The following PADI4 variants were observed in gnomAD, a reference collection of about 807,000 sequenced individuals.
PADI4 encodes the protein peptidyl arginine deiminase 4.
A neutral mutation model predicts 75.0 loss-of-function variants in PADI4; 62 were observed. That is an observed-to-expected ratio of 0.83 (90% CI 0.67 to 1.02). The LOEUF (loss-of-function observed/expected upper bound fraction) is 1.02. Ranked by LOEUF, PADI4 falls within the 50% of genes least tolerant of loss-of-function variation. The pLI is 0.00. For missense variants in PADI4, 845 were observed against 850.5 expected, an observed-to-expected ratio of 0.99 and a Z score of 0.08; for synonymous variants, 361 against 348.1, an observed-to-expected ratio of 1.04 and a Z score of -0.41.
Position 17,325,706 on chromosome 1 carries a change from C to T in PADI4, c.93-5263C>T, listed in dbSNP as rs932580072. Among the ~76,000 whole-genome samples the T allele has an allele frequency of 6.3e-5, 7 of 110,358 alleles. No individual in the cohort carries two copies. In the East Asian group the frequency reaches 1.1e-3, roughly 17 times the overall value. 72.4% of individuals were successfully genotyped at this position (110,358 alleles called of 152,430 possible). ...AAGATGTGACTTTTTGATCCTACCACGTTCCTGATTTTTTTTTTTTTAAAC... is the reference window on the plus strand; with the variant it reads ...AAGATGTGACTTTTTGATCCTACCATGTTCCTGATTTTTTTTTTTTTAAAC... On this transcript the variant is annotated intron_variant, in intron 1 of 15. Coordinates refer to ENST00000375448, the MANE Select transcript of PADI4 (RefSeq NM_012387.3).
At position 17,339,481 on chromosome 1, in the gene PADI4, C is replaced by A. The variant is rs183626668; in HGVS notation, c.527-207C>A. ...CCAGCTCATCCTAGTGGGAGGAGAC[C>A]AAAACCTTAATGAGCTCTCATTCCA... On this transcript the variant is annotated intron_variant, in intron 5 of 15. Transcript: ENST00000375448. 3.6e-3 allele frequency among the ~76,000 whole-genome samples: 544 copies of A among 152,256 alleles called. 2 individuals are homozygous for A. The highest frequency in any genetic ancestry group is 0.012 in the African/African-American group (514 of 41,534).
intron 10 of PADI4, among the ~76,000 whole-genome samples, chr1:17,349,174 C>G (rs551035104): frequency 6.6e-6 from 1 of 152,346 alleles, no homozygotes; most frequent in South Asian, 2.1e-4. Context: ...AACCAGCCAG[C>G]TGCTACCGTG....
chr1:17,349,713 A>AG (rs2074586366), intron 10 of PADI4, among the ~76,000 whole-genome samples: 1 of 100,956 alleles, frequency 9.9e-6, no homozygotes, highest in African/African-American at 3.0e-5. Flanking sequence ...AAAAAAAAAA[A>AG]AAAAGAAAGA....
Position 17,363,560 on chromosome 1 carries a change from C to G in PADI4, c.1797C>G (p.Pro599=). The G allele has an allele frequency of 6.2e-7, 1 of 1,613,922 alleles. No homozygotes were observed. The part of the protein sequence containing the change: ...MLVLGKHLGI[P]KPFGPVINGR... ...TGCTAGGGAAGCACCTGGGCATCCC[C>G]AAGCCCTTCGGGCCCGTCATCAACG... Residue 599 remains proline, a synonymous_variant, in exon 16 of 16, where the codon CCC becomes CCG. Transcript: ENST00000375448.
At chr1:17,324,028 G>A (rs924440277) in intron 1 of PADI4, among the ~76,000 whole-genome samples, 8 of 152,154 alleles carry the variant, frequency 5.3e-5, no homozygotes, top group African/African-American at 1.7e-4. Context: ...ATTACAGAAA[G>A]GGCTGCTCTG....
At chr1:17,336,590 G>C (rs1384991918) in intron 4 of PADI4, among the ~76,000 whole-genome samples, 5 of 152,162 alleles carry the variant, frequency 3.3e-5, no homozygotes, top group Admixed American at 3.3e-4. Flanking sequence ...GTCTACATGG[G>C]GGAATAACAG....
chr1:17,338,059 T>G lies in PADI4; in HGVS notation c.430T>G (p.Cys144Gly). 1 of 1,613,354 alleles carries G rather than the reference T, an allele frequency of 6.2e-7. No homozygotes were observed. The highest frequency in any genetic ancestry group is 2.2e-5 in the East Asian group (1 of 44,868). ...CCAGAGGACCTGGACCTGGGGCCCT[T>G]GTGGACAGGGTGCCATCCTGCTGGT... ...KDQRTWTWGP[C>G]GQGAILLVNC... The change falls in exon 5 of 16, where the codon TGT (cysteine) becomes GGT (glycine). Residue 144 changes from cysteine to glycine, a missense_variant. Cys to Gly is a radical substitution (Grantham distance 159, BLOSUM62 -3). Coordinates refer to ENST00000375448, the MANE Select transcript of PADI4 (RefSeq NM_012387.3).
rs2074549302 is a variant in PADI4, at chr1:17,347,999, A to G, written c.1106A>G (p.Asp369Gly). ...APHKTLPVVF[D>G]SPRNRGLKEF... is the part of the protein sequence containing the mutation. ...CACAAAACGCTGCCCGTGGTCTTCG[A>G]CTCTCCAAGGAACAGAGGCCTGAAG... Residue 369 changes from aspartate to glycine, a missense_variant, in exon 10 of 16, where the codon GAC becomes GGC. Transcript: ENST00000375448. The G allele has an allele frequency of 6.2e-7, 1 of 1,607,704 alleles. No homozygotes were observed. The highest frequency in any genetic ancestry group is 8.5e-7 in the Non-Finnish European group (1 of 1,176,230).
chr1:17,313,677 CTG>C (rs1380331233), intron 1 of PADI4, among the ~76,000 whole-genome samples: 1 of 151,994 alleles, frequency 6.6e-6, no homozygotes, highest in East Asian at 1.9e-4. Flanking sequence ...GCATGAGCCT[CTG>C]TGTGTGAGAG....
At chr1:17,359,464 G>T (rs1487677974) in intron 15 of PADI4, 56 bp downstream of exon 15, 3 of 1,609,854 alleles carry the variant, frequency 1.9e-6, no homozygotes, top group Admixed American at 3.3e-5. Flanking sequence ...AGCTCAGCCC[G>T]AGAGGCCAGT....
At chr1:17,354,772 C>G in intron 11 of PADI4, 85 bp downstream of exon 11, 1 of 1,302,922 alleles carries the variant, frequency 7.7e-7, no homozygotes, top group Non-Finnish European at 1.0e-6. Context: ...CCTTGCCTTC[C>G]TGCTTCCGAT....
Position 17,348,046 on chromosome 1 carries a change from A to T in PADI4, c.1153A>T (p.Met385Leu), listed in dbSNP as rs763816636. The T allele has an allele frequency of 1.3e-6, 2 of 1,582,632 alleles. No individual in the cohort carries two copies. Among genetic ancestry groups the T allele is most frequent in the African/African-American group, 1.3e-5 (1 of 74,216 alleles). The part of the protein sequence containing the change: ...GLKEFPIKRV[M>L]GPDFGYVTRG... Reference sequence around the variant, plus strand: ...GAAGGAGTTTCCCATCAAACGCGTGATGGTACCTGCATGGGGTGGGGAGGG... The same window carrying T: ...GAAGGAGTTTCCCATCAAACGCGTGTTGGTACCTGCATGGGGTGGGGAGGG... The change falls in exon 10 of 16, where the codon ATG becomes TTG. Residue 385 changes from methionine (M) to leucine (L), a missense_variant and splice_region_variant. Met to Leu is a conservative substitution (Grantham distance 15). Transcript: ENST00000375448.
rs774505663 is a variant in PADI4, at chr1:17,346,114, A to G, written c.1022A>G (p.Glu341Gly). The G allele has an allele frequency of 1.9e-6, 3 of 1,612,990 alleles. No individual in the cohort carries two copies. The highest frequency in any genetic ancestry group is 2.5e-6 in the Non-Finnish European group (3 of 1,178,962). ...KCKLTICPEEENMDDQWMQDE... is the reference protein window; with the variant it reads ...KCKLTICPEEGNMDDQWMQDE... ...AAGCTGACCATCTGCCCTGAGGAGGAGAACATGGATGACCAGTGGATGCAG... is the reference window on the plus strand; with the variant it reads ...AAGCTGACCATCTGCCCTGAGGAGGGGAACATGGATGACCAGTGGATGCAG... The change falls in exon 9 of 16, where the codon GAG (glutamate) becomes GGG (glycine). Residue 341 changes from glutamate (E) to glycine (G), a missense_variant. By Grantham distance (98) the Glu-to-Gly change is moderately conservative. Transcript: ENST00000375448. This position sits in a 1 kb window ranked among gnomAD's most constrained non-coding sequence, Gnocchi z 4.3.
rs1635567 is a variant in PADI4 at position 17,356,546 on chromosome 1, T to C, written c.1558+87T>C. On this transcript the variant is annotated intron_variant, in intron 13 of 15. Transcript: ENST00000375448. The surrounding 1 kb of genome is among the most constrained non-coding windows in gnomAD (Gnocchi z 4.1). Reference sequence around the variant, plus strand: ...TGCCTGGAGGGAATCATCCAGGCAATAGGGTAGCATCTGAGCACCTACTGT... The same window carrying C: ...TGCCTGGAGGGAATCATCCAGGCAACAGGGTAGCATCTGAGCACCTACTGT... The C allele has an allele frequency of 0.72, 551,959 of 766,458 alleles. 200,187 individuals are homozygous for C. Among genetic ancestry groups the C allele is most frequent in the African/African-American group, 0.81 (46,800 of 57,738 alleles). The allele number at this position is 766,458 out of a possible 1,614,324, so 47.5% of individuals were successfully genotyped here.
chr1:17,327,324 A>G (rs1023879997), intron 1 of PADI4, among the ~76,000 whole-genome samples: 2 of 152,132 alleles, frequency 1.3e-5, no homozygotes, highest in African/African-American at 4.8e-5. Flanking sequence ...TGTTTTGTCT[A>G]ATAATTCATT....
At chr1:17,344,418 C>A (rs566675181) in intron 8 of PADI4, among the ~76,000 whole-genome samples, 1 of 152,284 alleles carries the variant, frequency 6.6e-6, no homozygotes, top group Non-Finnish European at 1.5e-5. Flanking sequence ...AAGCCAGCTG[C>A]AGAAATTTGC....
intron 1 of PADI4, among the ~76,000 whole-genome samples, chr1:17,312,762 T>G (rs575804166): frequency 2.2e-4 from 33 of 152,292 alleles, no homozygotes; most frequent in Middle Eastern, 3.4e-3. Context: ...TAACTTACAT[T>G]GTCAGGGTGA....
rs1300385871 is a variant in PADI4 at position 17,358,887 on chromosome 1, A to C, written c.1608A>C (p.Arg536Ser). 1 of 1,608,548 alleles carries C rather than the reference A, an allele frequency of 6.2e-7. No individual in the cohort carries two copies. The highest frequency in any genetic ancestry group is 8.5e-7 in the Non-Finnish European group (1 of 1,176,814). The change falls in exon 14 of 16, where the codon AGA becomes AGC. Residue 536 changes from arginine to serine, a missense_variant. By Grantham distance (110) the Arg-to-Ser change is moderately radical (BLOSUM62 -1). Coordinates refer to ENST00000375448, the MANE Select transcript of PADI4 (RefSeq NM_012387.3). ...ACATTCTGTCAAACAAGACATTGAGAGAACATAATTCATTTGTGGAGGTAG... is the reference window on the plus strand; with the variant it reads ...ACATTCTGTCAAACAAGACATTGAGCGAACATAATTCATTTGTGGAGGTAG... ...IKNILSNKTL[R>S]EHNSFVERCI...
chr1:17,354,770 T>A, intron 11 of PADI4, 83 bp downstream of exon 11: 2 of 1,331,874 alleles, frequency 1.5e-6, no homozygotes, highest in Non-Finnish European at 2.0e-6. Context: ...AGCCTTGCCT[T>A]CCTGCTTCCG....
Sources: gnomAD v4.1 joint callset for allele counts (sites outside exome capture counted in the v4.1 genomes callset) on GRCh38, gnomAD v4.1.1 for gene constraint, Gnocchi (gnomAD v3.1) non-coding constraint, MANE v1.5 for transcripts, NCBI Gene and HGNC (gene_info 2026-07-23, HGNC 2026-07-21) for gene names.